EDEM1: variants seen among roughly 807,000 people sequenced by gnomAD.
EDEM1 encodes the protein ER degradation-enhancing alpha-mannosidase-like protein 1.
EDEM1 carries 67 observed loss-of-function variants against 74.4 expected under a neutral mutation model. The observed-to-expected ratio is 0.90, with a 90% confidence interval of 0.74 to 1.10. The LOEUF is 1.10. Ranked by LOEUF, EDEM1 falls within the 50% of genes least tolerant of loss-of-function variation. The probability of loss-of-function intolerance (pLI) is 0.00; values close to 1 mark genes in which losing one functional copy is unlikely to be tolerated. For synonymous variants in EDEM1, 382 were observed against 335.9 expected, an observed-to-expected ratio of 1.14 and a Z score of -1.50; for missense variants, 926 against 851.6, an observed-to-expected ratio of 1.09 and a Z score of -1.09.
intron 2 of EDEM1, among the ~76,000 whole-genome samples, chr3:5,198,702 T>G (rs1233869071): frequency 3.3e-5 from 5 of 150,854 alleles, no homozygotes; most frequent in Non-Finnish European, 7.4e-5. Context: ...TGTAGCTATC[T>G]TATTTAGGAA....
At chr3:5,206,561 T>C (rs955911638) in intron 6 of EDEM1, among the ~76,000 whole-genome samples, 20 of 152,324 alleles carry the variant, frequency 1.3e-4, no homozygotes, top group African/African-American at 4.6e-4. Flanking sequence ...CAGTGCAAGT[T>C]ATAGCTACTG....
intron 1 of EDEM1, 143 bp downstream of exon 1, chr3:5,188,457 G>C (rs2054857359): frequency 1.0e-6 from 1 of 966,674 alleles, no homozygotes; most frequent in South Asian, 3.6e-5. Flanking sequence ...GCCCTGTCCC[G>C]TGTGAGTCCC....
In EDEM1 at chr3:5,216,307, A is replaced by G. The variant is rs2055235571; in HGVS notation, c.*389A>G. The stretch of plus-strand genomic sequence containing the variant: ...ATGTCTTTAAAAAATTTTTTTTATT[A>G]TATTTTATTTTTTTGAGACAGGGTC... On this transcript the variant is annotated 3_prime_UTR_variant, in exon 12 of 12. Transcript: ENST00000256497. 1 of 158,072 alleles carries G rather than the reference A, an allele frequency of 6.3e-6. No individual in the cohort carries two copies. Among genetic ancestry groups the G allele is most frequent in the Admixed American group, 6.5e-5 (1 of 15,442 alleles). The allele number at this position is 158,072 out of a possible 1,614,324, so 9.8% of individuals were successfully genotyped here. A position where few individuals can be genotyped will look rare whatever the true frequency, so the allele number is the denominator to read the frequency against.
chr3:5,203,256 T>A, intron 5 of EDEM1, 107 bp downstream of exon 5: 1 of 1,178,732 alleles, frequency 8.5e-7, no homozygotes, highest in Non-Finnish European at 1.2e-6. Context: ...AATTGACAAC[T>A]CAGCAAGAAT....
intron 1 of EDEM1, 136 bp downstream of exon 1, chr3:5,188,450 C>A: frequency 9.4e-7 from 1 of 1,059,374 alleles, no homozygotes; most frequent in Non-Finnish European, 1.2e-6. Flanking sequence ...CTCCCGCGCC[C>A]TGTCCCGTGT....
At chr3:5,199,504 AT>A in intron 2 of EDEM1, 87 bp from the exon 3 acceptor site, 1 of 910,436 alleles carries the variant, frequency 1.1e-6, no homozygotes, top group Non-Finnish European at 1.7e-6. Context: ...ACATACAGAC[AT>A]TTAGGTGACG....
rs746623845 is a variant in EDEM1, at chr3:5,203,147, T to C, written c.1040T>C (p.Leu347Pro). 3.2e-6 allele frequency: 5 copies of C among 1,570,920 alleles called. No homozygotes were observed. In the East Asian group the frequency reaches 9.1e-5, roughly 28 times the overall value. The change falls in exon 5 of 12, where the codon CTA becomes CCA. Residue 347 changes from leucine (L) to proline (P), a missense_variant and splice_region_variant. By Grantham distance (98) the Leu-to-Pro change is moderately conservative. Coordinates refer to ENST00000256497, the MANE Select transcript of EDEM1 (RefSeq NM_014674.3). ...WNLRSNDTGL[L>P]GNVVNIQTGH... ...CTCCGGAGCAATGATACAGGATTAC[T>C]AGGTGTGGCACCTTTCCTCGCCATT...
Position 5,187,767 on chromosome 3 carries a change from C to T in EDEM1, c.-39C>T, listed in dbSNP as rs1575580586. The T allele has an allele frequency of 2.0e-6, 3 of 1,507,146 alleles. No homozygotes were observed. Among genetic ancestry groups the T allele is most frequent in the Non-Finnish European group, 2.7e-6 (3 of 1,128,206 alleles). The allele number at this position is 1,507,146 out of a possible 1,614,324, so 93.4% of individuals were successfully genotyped here. The stretch of plus-strand genomic sequence containing the variant: ...GGGTGCGGTGGTCGGCGGGGAGGCC[C>T]CCGCGCTTTAAAATAATGCCCGCGG... On this transcript the variant is annotated 5_prime_UTR_variant, in exon 1 of 12. Transcript: ENST00000256497.
chr3:5,198,810 G>A (rs1450528579), intron 2 of EDEM1, among the ~76,000 whole-genome samples: 1 of 151,826 alleles, frequency 6.6e-6, no homozygotes, highest in Non-Finnish European at 1.5e-5. Flanking sequence ...TTCTATCACA[G>A]TATGTCCTTA....
intron 8 of EDEM1, among the ~76,000 whole-genome samples, chr3:5,209,615 A>T (rs1397577505): frequency 6.6e-6 from 1 of 152,224 alleles, no homozygotes; most frequent in Non-Finnish European, 1.5e-5. Context: ...CTTCCCAGAG[A>T]AGTTTTTCTC....
At chr3:5,210,614 T>C (rs946731331) in intron 9 of EDEM1, among the ~76,000 whole-genome samples, 1 of 152,088 alleles carries the variant, frequency 6.6e-6, no homozygotes, top group African/African-American at 2.4e-5. Flanking sequence ...GTACTTATAA[T>C]CTTTTAAATA....
chr3:5,214,085 C>T (rs2055201315), intron 11 of EDEM1, among the ~76,000 whole-genome samples: 2 of 152,170 alleles, frequency 1.3e-5, no homozygotes, highest in Admixed American at 1.3e-4. Flanking sequence ...CAGCAAACAC[C>T]CACATTCATT....
chr3:5,201,532 T>C (rs1261817486), intron 3 of EDEM1, among the ~76,000 whole-genome samples: 1 of 152,226 alleles, frequency 6.6e-6, no homozygotes, highest in Non-Finnish European at 1.5e-5. Flanking sequence ...TAGTCTCGAA[T>C]AAATGATTCC....
chr3:5,208,463 A>T (rs1049487157), intron 8 of EDEM1, among the ~76,000 whole-genome samples, 200 bp downstream of exon 8: 8 of 152,120 alleles, frequency 5.3e-5, no homozygotes, highest in African/African-American at 1.9e-4. Context: ...CTGCAGTCAA[A>T]TATGTTTTTA....
intron 1 of EDEM1, among the ~76,000 whole-genome samples, chr3:5,190,884 A>C (rs918582278): frequency 3.3e-5 from 5 of 152,076 alleles, no homozygotes; most frequent in Non-Finnish European, 7.4e-5. Context: ...TTTTTAAAAA[A>C]ATTTATTTTT....
intron 10 of EDEM1, 104 bp downstream of exon 10, chr3:5,211,320 TG>T: frequency 4.5e-6 from 5 of 1,102,134 alleles, no homozygotes; most frequent in Non-Finnish European, 6.7e-6. Context: ...AGCTATGTGC[TG>T]GACATTGTGC....
intron 2 of EDEM1, 90 bp downstream of exon 2, chr3:5,195,371 G>T (rs2054952987): frequency 3.0e-6 from 2 of 667,212 alleles, no homozygotes; most frequent in African/African-American, 3.7e-5. Flanking sequence ...ATTCCAGGGA[G>T]CCTGATAAGT....
intron 9 of EDEM1, among the ~76,000 whole-genome samples, chr3:5,210,841 C>T (rs942702035): frequency 2.6e-5 from 4 of 151,970 alleles, no homozygotes; most frequent in Non-Finnish European, 5.9e-5. Flanking sequence ...CATTTGTTGC[C>T]GGTCATTTTC....
chr3:5,202,344 G>T (rs935024189), intron 4 of EDEM1, among the ~76,000 whole-genome samples: 4 of 152,200 alleles, frequency 2.6e-5, no homozygotes, highest in African/African-American at 9.7e-5. Flanking sequence ...GCTTCACGTG[G>T]ATCTTTCAAA....
Sources: allele counts gnomAD v4.1 joint callset (sites outside exome capture counted in the v4.1 genomes callset), GRCh38; gene constraint gnomAD v4.1.1; transcripts MANE v1.5; gene names NCBI Gene and HGNC (gene_info 2026-07-23, HGNC 2026-07-21).